The following ADAM7 variants were observed in gnomAD, a reference collection of about 807,000 sequenced individuals.
ADAM7 encodes disintegrin and metalloproteinase domain-containing protein 7.
Under a neutral mutation model 102.9 loss-of-function variants are expected in ADAM7, and 97 were observed. The ratio of observed to expected loss-of-function variants is 0.94; its 90% CI spans 0.80 to 1.12. The LOEUF is 1.12. Ranked by LOEUF, ADAM7 falls within the 50% of genes most tolerant of loss-of-function variation. The pLI is 0.00. For missense variants in ADAM7, 991 were observed against 908.7 expected, an observed-to-expected ratio of 1.09 and a Z score of -1.16; for synonymous variants, 334 against 304.4, an observed-to-expected ratio of 1.10 and a Z score of -1.01.
chr8:24,472,875 A>T (rs182998678), intron 7 of ADAM7, among the ~76,000 whole-genome samples: 2 of 152,160 alleles, frequency 1.3e-5, no homozygotes, highest in East Asian at 3.9e-4. Context: ...AATGCTGATT[A>T]AAAAATATAG....
chr8:24,485,372 TTTTATTTATATTAC>T lies in ADAM7; in HGVS notation c.960+14_960+27del. ...ACCAGTATCATTAAGGTGGGCTGTG[TTTTATTTATATTAC>T]TTAATAATGTTTGAATAAAATTGTT... On this transcript the variant is annotated intron_variant, in intron 10 of 21. Transcript: ENST00000175238. The T allele has an allele frequency of 6.2e-7, 1 of 1,606,636 alleles. No homozygotes were observed. Among genetic ancestry groups the T allele is most frequent in the Non-Finnish European group, 8.5e-7 (1 of 1,175,400 alleles).
intron 3 of ADAM7, among the ~76,000 whole-genome samples, chr8:24,459,292 G>T (rs1819154575): frequency 2.6e-5 from 4 of 151,480 alleles, no homozygotes; most frequent in Non-Finnish European, 2.9e-5. Flanking sequence ...CCCTTTTTTG[G>T]CATAAAGTGT....
chr8:24,442,639 T>G, intron 2 of ADAM7, 63 bp downstream of exon 2: 14 of 1,308,056 alleles, frequency 1.1e-5, no homozygotes, highest in African/African-American at 1.4e-5. Flanking sequence ...CAGTTGTCTC[T>G]AGCTCCAACC....
intron 2 of ADAM7, among the ~76,000 whole-genome samples, chr8:24,444,390 T>C (rs1165186555): frequency 6.6e-6 from 1 of 151,876 alleles, no homozygotes; most frequent in Non-Finnish European, 1.5e-5. Flanking sequence ...TCCCCACCCA[T>C]TAAGTGTGGG....
chr8:24,493,313 G>C, intron 16 of ADAM7, 84 bp downstream of exon 16: 1 of 1,308,316 alleles, frequency 7.6e-7, no homozygotes. Flanking sequence ...TGCTTCCAAA[G>C]AGGTCTAGAT....
At chr8:24,446,198 G>A (rs1818552447) in intron 2 of ADAM7, among the ~76,000 whole-genome samples, 1 of 152,034 alleles carries the variant, frequency 6.6e-6, no homozygotes, top group African/African-American at 2.4e-5. Context: ...GAAGCATGAA[G>A]AAATAAAATA....
intron 6 of ADAM7, among the ~76,000 whole-genome samples, chr8:24,468,261 C>T (rs1819494699): frequency 6.6e-6 from 1 of 150,684 alleles, no homozygotes; most frequent in Non-Finnish European, 1.5e-5. Flanking sequence ...TTCACGTGAG[C>T]TTACTAATGA....
At chr8:24,493,972 T>C (rs919358821) in intron 16 of ADAM7, among the ~76,000 whole-genome samples, 1 of 152,176 alleles carries the variant, frequency 6.6e-6, no homozygotes, top group Non-Finnish European at 1.5e-5. Context: ...AAGAGTTTTT[T>C]ATGGCAAGAT....
intron 3 of ADAM7, among the ~76,000 whole-genome samples, chr8:24,461,546 A>G (rs1224514949): frequency 6.6e-6 from 1 of 151,800 alleles, no homozygotes; most frequent in East Asian, 1.9e-4. Context: ...ATTATAATTC[A>G]TGTCTTTCTC....
At chr8:24,500,278 C>G (rs769670712) in intron 18 of ADAM7, 22 bp downstream of exon 18, 1 of 1,590,958 alleles carries the variant, frequency 6.3e-7, no homozygotes, top group South Asian at 1.1e-5. Flanking sequence ...AAAACAAAAT[C>G]TTTCATATAT....
chr8:24,492,150 C>G, intron 14 of ADAM7, 52 bp downstream of exon 14: 1 of 1,533,946 alleles, frequency 6.5e-7, no homozygotes, highest in Non-Finnish European at 8.9e-7. Flanking sequence ...CTCTATTTCT[C>G]TGTTATTGCC....
At chr8:24,504,260 G>A (rs75850763) in intron 20 of ADAM7, among the ~76,000 whole-genome samples, 14,371 of 151,686 alleles carry the variant, frequency 0.095, 951 homozygotes, top group African/African-American at 0.19. Context: ...CTAGCTACAC[G>A]GGAGACTGAG....
At chr8:24,483,108 C>G (rs1159783279) in intron 9 of ADAM7, among the ~76,000 whole-genome samples, 1 of 152,178 alleles carries the variant, frequency 6.6e-6, no homozygotes, top group Non-Finnish European at 1.5e-5. Flanking sequence ...TAAGTGAAAC[C>G]TGTCAGAGCT....
rs1420819509 is a variant in ADAM7 at position 24,509,533 on chromosome 8, G to T, written c.*987G>T. ...CTAAATAAAAATATTCTGACTCGAT[G>T]AAATAAATAAAGGCTACAAAAGAAG... On this transcript the variant is annotated 3_prime_UTR_variant, in exon 22 of 22. Transcript: ENST00000175238. 1.0e-6 allele frequency: 1 copy of T among 984,288 alleles called. No individual in the cohort carries two copies. Among genetic ancestry groups the T allele is most frequent in the Admixed American group, 6.2e-5 (1 of 16,256 alleles). 61.0% of individuals were successfully genotyped at this position (984,288 alleles called of 1,614,324 possible).
chr8:24,485,380 A>G lies in ADAM7; in HGVS notation c.960+19A>G, dbSNP rs780503187. On this transcript the variant is annotated intron_variant, in intron 10 of 21. Transcript: ENST00000175238. The stretch of plus-strand genomic sequence containing the variant: ...CATTAAGGTGGGCTGTGTTTTATTT[A>G]TATTACTTAATAATGTTTGAATAAA... 6.3e-7 allele frequency: 1 copy of G among 1,595,986 alleles called. No individual in the cohort carries two copies. The highest frequency in any genetic ancestry group is 1.1e-5 in the South Asian group (1 of 89,274).
At chr8:24,483,170 T>G (rs1668316581) in intron 9 of ADAM7, among the ~76,000 whole-genome samples, 2 of 152,184 alleles carry the variant, frequency 1.3e-5, no homozygotes, top group African/African-American at 4.8e-5. Context: ...CAATCTTTAA[T>G]TTCTTTAAAA....
rs1365329346 is a variant in ADAM7, at chr8:24,471,736, GTATAAC to G, written c.633+2921_633+2926del. Among the ~76,000 whole-genome samples the G allele has an allele frequency of 5.9e-5, 9 of 151,982 alleles. No individual in the cohort carries two copies. The East Asian group carries it at 1.7e-3, about 29-fold the overall frequency. On this transcript the variant is annotated intron_variant, in intron 7 of 21. Transcript: ENST00000175238. The stretch of plus-strand genomic sequence containing the variant: ...GAATATATTCCCATTGTCAAGCAAT[GTATAAC>G]TATATTACATATATACATACACACA...
At chr8:24,489,050 G>A in intron 11 of ADAM7, 109 bp from the exon 12 acceptor site, 3 of 1,051,812 alleles carry the variant, frequency 2.9e-6, no homozygotes, top group South Asian at 4.2e-5. Flanking sequence ...TGCTCTAACA[G>A]TAAACATTTA....
chr8:24,490,870 A>G lies in ADAM7; in HGVS notation c.1338A>G (p.Glu446=). ...CAGGATTTACTTGTGCAGAAGGAGA[A>G]TGCTGTGAATCTTGTCAGGTAAGGT... ...LKPGFTCAEG[E]CCESCQIKKA... The change falls in exon 13 of 22, where the codon GAA becomes GAG. Residue 446 remains glutamate (E), a synonymous_variant. Transcript: ENST00000175238. The G allele has an allele frequency of 6.2e-7, 1 of 1,613,714 alleles. No individual in the cohort carries two copies.
Sources: allele counts gnomAD v4.1 joint callset (sites outside exome capture counted in the v4.1 genomes callset), GRCh38; gene constraint gnomAD v4.1.1; transcripts MANE v1.5; gene names NCBI Gene and HGNC (gene_info 2026-07-23, HGNC 2026-07-21).